The following PTPN4 variants were observed in gnomAD, a reference collection of about 807,000 sequenced individuals.
PTPN4 encodes the protein tyrosine-protein phosphatase non-receptor type 4.
A neutral mutation model predicts 135.5 loss-of-function variants in PTPN4; 49 were observed. That is an observed-to-expected ratio of 0.36 (90% CI 0.29 to 0.46). PTPN4 has a LOEUF of 0.46. Ranked by LOEUF, PTPN4 falls within the 20% of genes least tolerant of loss-of-function variation. PTPN4 has a pLI of 1.00. For missense variants in PTPN4, 860 were observed against 1,101.0 expected, an observed-to-expected ratio of 0.78 and a Z score of 3.10; for synonymous variants, 333 against 369.9, an observed-to-expected ratio of 0.90 and a Z score of 1.14.
At chr2:119,960,988 CT>C in intron 23 of PTPN4, 35 bp downstream of exon 23, 4 of 1,594,368 alleles carry the variant, frequency 2.5e-6, no homozygotes, top group Non-Finnish European at 3.4e-6. Flanking sequence ...ATTGCTTGGA[CT>C]TTTTTCAAAT....
At position 119,940,478 on chromosome 2, in the gene PTPN4, G is replaced by A. The variant is rs1202066968; in HGVS notation, c.1356-4603G>A. On this transcript the variant is annotated intron_variant, in intron 15 of 26. Coordinates refer to ENST00000263708, the MANE Select transcript of PTPN4 (RefSeq NM_002830.4). ...TAAGGGTTTGTTTTTTTCTTTAAGA[G>A]ACAGGGTCTCTTTGTCTCCCAGGCT... 2.0e-5 allele frequency among the ~76,000 whole-genome samples: 3 copies of A among 152,112 alleles called. No homozygotes were observed. In the East Asian group the frequency reaches 5.8e-4, roughly 29 times the overall value.
At chr2:119,911,087 C>T (rs1021412422) in intron 10 of PTPN4, among the ~76,000 whole-genome samples, 4 of 151,974 alleles carry the variant, frequency 2.6e-5, no homozygotes, top group Admixed American at 1.3e-4. Context: ...TGAATTCTAT[C>T]GAACATTTAA....
intron 1 of PTPN4, among the ~76,000 whole-genome samples, chr2:119,807,970 A>G (rs1691508465): frequency 6.6e-6 from 1 of 152,252 alleles, no homozygotes; most frequent in Non-Finnish European, 1.5e-5. Context: ...AGCAATGACA[A>G]AAACCACATG....
intron 14 of PTPN4, among the ~76,000 whole-genome samples, chr2:119,933,453 T>C (rs1678934847): frequency 6.6e-6 from 1 of 152,070 alleles, no homozygotes; most frequent in Non-Finnish European, 1.5e-5. Flanking sequence ...CCAAAGTGTG[T>C]GGATTCCTTA....
chr2:119,942,825 G>A (rs1187253673), intron 15 of PTPN4, among the ~76,000 whole-genome samples: 5 of 152,090 alleles, frequency 3.3e-5, no homozygotes, highest in African/African-American at 1.2e-4. Context: ...CTAATCCATG[G>A]AAACATTTCC....
chr2:119,829,393 A>G (rs1334806923), intron 2 of PTPN4, among the ~76,000 whole-genome samples: 2 of 152,232 alleles, frequency 1.3e-5, no homozygotes, highest in African/African-American at 4.8e-5. Flanking sequence ...GTATCAATTA[A>G]GTTCACAATG....
chr2:119,868,592 C>T (rs548432735), intron 3 of PTPN4, among the ~76,000 whole-genome samples: 7 of 152,288 alleles, frequency 4.6e-5, no homozygotes, highest in African/African-American at 1.7e-4. Context: ...GGAATGAGGG[C>T]AAGGAACACC....
intron 3 of PTPN4, among the ~76,000 whole-genome samples, chr2:119,870,815 T>C (rs1352433806): frequency 6.6e-6 from 1 of 151,978 alleles, no homozygotes; most frequent in Non-Finnish European, 1.5e-5. Context: ...TGTAAAACAA[T>C]AGTATAGTTG....
chr2:119,791,168 CGTCTGGG>C (rs1691138762), intron 1 of PTPN4: 1 of 133,594 alleles, frequency 7.5e-6, no homozygotes, highest in Non-Finnish European at 1.5e-5. Context: ...CTTGCTGTGT[CGTCTGGG>C]TTGGAGTGCA....
chr2:119,908,077 C>T (rs1678515360), intron 10 of PTPN4, among the ~76,000 whole-genome samples: 1 of 151,972 alleles, frequency 6.6e-6, no homozygotes, highest in Non-Finnish European at 1.5e-5. Context: ...GTACAGGCAA[C>T]AGAAAGAAAA....
chr2:119,784,962 G>GTT (rs1691021265), intron 1 of PTPN4, among the ~76,000 whole-genome samples: 2 of 462 alleles, frequency 4.3e-3, no homozygotes, highest in South Asian at 0.33. Flanking sequence ...ATGATACTGA[G>GTT]GAGGAAAAGA....
At chr2:119,838,840 G>T (rs532995709) in intron 2 of PTPN4, among the ~76,000 whole-genome samples, 2 of 152,298 alleles carry the variant, frequency 1.3e-5, no homozygotes, top group East Asian at 1.9e-4. Flanking sequence ...CACTCATTCA[G>T]TTATTCAACT....
At chr2:119,976,157 G>A (rs111550665) in intron 26 of PTPN4, among the ~76,000 whole-genome samples, 17 of 151,434 alleles carry the variant, frequency 1.1e-4, no homozygotes, top group South Asian at 8.3e-4. Context: ...TACCACGCCC[G>A]GCTAATTTTT....
chr2:119,847,306 A>G (rs1677516550), intron 2 of PTPN4, among the ~76,000 whole-genome samples: 1 of 104,246 alleles, frequency 9.6e-6, no homozygotes, highest in African/African-American at 4.2e-5. Context: ...ACACACACAC[A>G]CACACACACA....
intron 1 of PTPN4, among the ~76,000 whole-genome samples, chr2:119,806,145 C>G (rs558573408): frequency 2.0e-5 from 3 of 152,136 alleles, no homozygotes; most frequent in African/African-American, 7.2e-5. Context: ...TAAAGACCAT[C>G]GATGCTAGGA....
chr2:119,908,837 G>A (rs1678526893), intron 10 of PTPN4, among the ~76,000 whole-genome samples: 1 of 152,148 alleles, frequency 6.6e-6, no homozygotes, highest in Non-Finnish European at 1.5e-5. Flanking sequence ...GGAATTGAAA[G>A]TACTACTCCA....
intron 2 of PTPN4, among the ~76,000 whole-genome samples, chr2:119,837,151 C>T (rs1677307158): frequency 6.6e-6 from 1 of 152,140 alleles, no homozygotes; most frequent in Admixed American, 6.5e-5. Flanking sequence ...CCACGCATGG[C>T]CACCCATGGA....
chr2:119,853,413 ATAGTGTCTTTGAGAG>A (rs1374883223), intron 2 of PTPN4, among the ~76,000 whole-genome samples: 3 of 151,478 alleles, frequency 2.0e-5, no homozygotes, highest in Non-Finnish European at 2.9e-5. Flanking sequence ...TTTTGTTTTT[ATAGTGTCTTTGAGAG>A]TAGTGTCTTT....
intron 2 of PTPN4, among the ~76,000 whole-genome samples, chr2:119,839,335 T>G (rs1025077851): frequency 6.6e-6 from 1 of 152,198 alleles, no homozygotes; most frequent in Non-Finnish European, 1.5e-5. Flanking sequence ...TTATTGCATT[T>G]CTTATACTCG....
Sources: gnomAD v4.1 joint callset for allele counts (sites outside exome capture counted in the v4.1 genomes callset) on GRCh38, gnomAD v4.1.1 for gene constraint, MANE v1.5 for transcripts, NCBI Gene and HGNC (gene_info 2026-07-23, HGNC 2026-07-21) for gene names.